The following NRXN3 variants were observed in gnomAD, a reference collection of about 807,000 sequenced individuals.
NRXN3 encodes neurexin III.
In NRXN3, 32 loss-of-function variants were observed where a neutral mutation model predicts 137.6. The observed-to-expected ratio is 0.23, with a 90% CI of 0.18 to 0.31. The LOEUF (loss-of-function observed/expected upper bound fraction) is 0.31, where lower values mean the gene tolerates loss of function less well. NRXN3 is among the 10% of genes least tolerant of loss of function. NRXN3 has a pLI of 1.00. For synonymous variants in NRXN3, 798 were observed against 784.5 expected (o/e 1.02, Z -0.29); for missense variants, 1,574 against 2,062.5 (o/e 0.76, Z 4.59).
intron 20 of NRXN3, among the ~76,000 whole-genome samples, chr14:79,842,420 G>A (rs2099357902): frequency 6.6e-6 from 1 of 152,136 alleles, no homozygotes; most frequent in African/African-American, 2.4e-5. Flanking sequence ...TCCTGGAAGG[G>A]AAGCCAGAGA....
At chr14:79,714,485 A>G (rs2098816835) in intron 19 of NRXN3, among the ~76,000 whole-genome samples, 1 of 152,234 alleles carries the variant, frequency 6.6e-6, no homozygotes, top group South Asian at 2.1e-4. Flanking sequence ...CCAACATCAT[A>G]CTAAAAGCAC....
At chr14:79,430,166 T>C (rs1343228961) in intron 15 of NRXN3, among the ~76,000 whole-genome samples, 1 of 152,182 alleles carries the variant, frequency 6.6e-6, no homozygotes, top group Non-Finnish European at 1.5e-5. Context: ...CTCGACAGAA[T>C]AAATAGTTCA....
intron 4 of NRXN3, among the ~76,000 whole-genome samples, chr14:78,378,100 TTAA>T (rs1394554604): frequency 6.6e-6 from 1 of 152,042 alleles, no homozygotes; most frequent in African/African-American, 2.4e-5. Context: ...AATCTAGAAA[TTAA>T]TAACAGATTG....
At chr14:79,032,443 G>T (rs1175833833) in intron 15 of NRXN3, among the ~76,000 whole-genome samples, 1 of 152,094 alleles carries the variant, frequency 6.6e-6, no homozygotes, top group Non-Finnish European at 1.5e-5. Flanking sequence ...AGCTAACAAT[G>T]TTTCTACCAT....
intron 15 of NRXN3, among the ~76,000 whole-genome samples, chr14:79,109,334 A>C (rs1259398919): frequency 1.3e-5 from 2 of 152,214 alleles, no homozygotes; most frequent in Non-Finnish European, 2.9e-5. Flanking sequence ...CAAACTTAGA[A>C]GAACTAGATA....
intron 4 of NRXN3, among the ~76,000 whole-genome samples, chr14:78,452,536 G>T (rs1323474393): frequency 6.6e-6 from 1 of 152,172 alleles, no homozygotes; most frequent in Non-Finnish European, 1.5e-5. Context: ...TGAGGAATAT[G>T]TGGAGGATCT....
chr14:79,302,642 T>C (rs561846426), intron 15 of NRXN3, among the ~76,000 whole-genome samples: 1 of 152,020 alleles, frequency 6.6e-6, no homozygotes, highest in African/African-American at 2.4e-5. Context: ...GATTGGATCA[T>C]GAGGGCAGTT....
At position 79,663,966 on chromosome 14, in the gene NRXN3, C is replaced by A; in HGVS notation, c.3616+17C>A. ...ATCCTACAGGTACATGTTGTTCGCTCAATGGTCCTACTCTTTTTGACTCTC... is the reference window on the plus strand; with the variant it reads ...ATCCTACAGGTACATGTTGTTCGCTAAATGGTCCTACTCTTTTTGACTCTC... On this transcript the variant is annotated intron_variant, in intron 17 of 20. Transcript: ENST00000335750. 1.2e-6 allele frequency: 2 copies of A among 1,612,340 alleles called. No individual in the cohort carries two copies. Among genetic ancestry groups the A allele is most frequent in the South Asian group, 2.2e-5 (2 of 90,966 alleles).
chr14:78,617,867 T>G (rs1341478996), intron 4 of NRXN3, among the ~76,000 whole-genome samples: 1 of 151,060 alleles, frequency 6.6e-6, no homozygotes, highest in Non-Finnish European at 1.5e-5. Flanking sequence ...TTCTCTAGTT[T>G]CTATTAGCTT....
At chr14:78,588,965 A>G (rs1211615338) in intron 4 of NRXN3, among the ~76,000 whole-genome samples, 1 of 152,058 alleles carries the variant, frequency 6.6e-6, no homozygotes, top group African/African-American at 2.4e-5. Flanking sequence ...TTCACAAACA[A>G]CCCTTATTAT....
At chr14:78,531,305 G>A (rs1003497834) in intron 4 of NRXN3, among the ~76,000 whole-genome samples, 1 of 152,152 alleles carries the variant, frequency 6.6e-6, no homozygotes, top group African/African-American at 2.4e-5. Flanking sequence ...AGAGAGTGAA[G>A]TTTTCTTCCT....
intron 19 of NRXN3, among the ~76,000 whole-genome samples, chr14:79,796,105 G>T (rs2099160223): frequency 6.6e-6 from 1 of 151,970 alleles, no homozygotes; most frequent in African/African-American, 2.4e-5. Context: ...TCCTAGAGAG[G>T]ACAGCACCAA....
chr14:79,537,504 T>C (rs1256407030), intron 16 of NRXN3, among the ~76,000 whole-genome samples: 1 of 152,104 alleles, frequency 6.6e-6, no homozygotes, highest in Admixed American at 6.5e-5. Flanking sequence ...TGTGTTCTCA[T>C]TGTTCAATTC....
intron 6 of NRXN3, among the ~76,000 whole-genome samples, chr14:78,689,063 TG>T (rs2098147006): frequency 6.6e-6 from 1 of 152,146 alleles, no homozygotes; most frequent in African/African-American, 2.4e-5. Context: ...CTAAGAACTG[TG>T]GAATAAAGAT....
intron 19 of NRXN3, among the ~76,000 whole-genome samples, chr14:79,769,990 G>C (rs1290667017): frequency 6.0e-4 from 91 of 152,046 alleles, no homozygotes; most frequent in Non-Finnish European, 9.7e-4. Flanking sequence ...TCTGATAAAA[G>C]AGACTTTAAA....
chr14:78,820,627 A>G (rs1183130044), intron 10 of NRXN3, among the ~76,000 whole-genome samples: 5 of 152,058 alleles, frequency 3.3e-5, no homozygotes, highest in African/African-American at 1.2e-4. Flanking sequence ...TGTCATCCCC[A>G]AGCCTGTGCC....
At chr14:79,325,059 A>G (rs567651641) in intron 15 of NRXN3, among the ~76,000 whole-genome samples, 2 of 152,196 alleles carry the variant, frequency 1.3e-5, no homozygotes, top group African/African-American at 4.8e-5. Context: ...TCTCTTGGCT[A>G]TTTATTTCTA....
At chr14:79,264,650 C>T (rs1239026689) in intron 15 of NRXN3, among the ~76,000 whole-genome samples, 2 of 151,950 alleles carry the variant, frequency 1.3e-5, no homozygotes, top group African/African-American at 4.8e-5. Flanking sequence ...CCCTTATGAC[C>T]TCACTTAACC....
chr14:78,551,655 C>A (rs2096690875), intron 4 of NRXN3, among the ~76,000 whole-genome samples: 1 of 148,094 alleles, frequency 6.8e-6, no homozygotes, highest in Non-Finnish European at 1.5e-5. Flanking sequence ...TTCTTTCCTG[C>A]CCTCCTCCCC....
Sources: allele counts gnomAD v4.1 joint callset (sites outside exome capture counted in the v4.1 genomes callset), GRCh38; gene constraint gnomAD v4.1.1; transcripts MANE v1.5; gene names NCBI Gene and HGNC (gene_info 2026-07-23, HGNC 2026-07-21).